SERINC2: variants seen among roughly 807,000 people sequenced by gnomAD.
The protein encoded by SERINC2 is tumor differentially expressed protein 2.
In SERINC2, 56 loss-of-function variants were observed where a neutral mutation model predicts 54.2. That is an observed-to-expected ratio of 1.03 (90% CI 0.83 to 1.29). The LOEUF is 1.29. Among genes scored for constraint, SERINC2 ranks in the 50% most tolerant of loss-of-function variants. The pLI is 0.00. For synonymous variants in SERINC2, 272 were observed against 253.1 expected (o/e 1.07, Z -0.71); for missense variants, 614 against 607.4 (o/e 1.01, Z -0.12).
chr1:31,431,056 C>G (rs1031030795), intron 8 of SERINC2, among the ~76,000 whole-genome samples: 5 of 152,148 alleles, frequency 3.3e-5, no homozygotes, highest in African/African-American at 1.2e-4. Flanking sequence ...GATTCCTTTT[C>G]AAGCTGGAAA....
At position 31,425,762 on chromosome 1, in the gene SERINC2, CT is replaced by C; in HGVS notation, c.473-13del. Reference sequence around the variant, plus strand: ...GAGGGACCCTCCTCGCCTCACTCCCCTCTCCCCACCCAGTCTGGTTCTACTT... The same window carrying C: ...GAGGGACCCTCCTCGCCTCACTCCCCCTCCCCACCCAGTCTGGTTCTACTT... On this transcript the variant is annotated splice_polypyrimidine_tract_variant and intron_variant, in intron 4 of 9. Coordinates refer to ENST00000373709, the MANE Select transcript of SERINC2 (RefSeq NM_178865.5). 2 of 1,611,680 alleles carry C rather than the reference CT, an allele frequency of 1.2e-6. No homozygotes were observed.
chr1:31,424,026 G>T (rs782042662), intron 2 of SERINC2, among the ~76,000 whole-genome samples, 172 bp downstream of exon 2: 1 of 152,136 alleles, frequency 6.6e-6, no homozygotes, highest in Non-Finnish European at 1.5e-5. Flanking sequence ...CTCTTGGGGG[G>T]ATTCTTCTTT....
Position 31,433,085 on chromosome 1 carries a change from G to C in SERINC2, c.1132G>C (p.Asp378His), listed in dbSNP as rs1641367078. ...GGCAGCCTGTGAGGGCCGGGCCTTT[G>C]ACAACGAGCAGGACGGCGTCACCTA... is the stretch of plus-strand genomic sequence containing the variant. ...QVAACEGRAFDNEQDGVTYSY... is the reference protein window; with the variant it reads ...QVAACEGRAFHNEQDGVTYSY... The change falls in exon 9 of 10, where the codon GAC becomes CAC. Residue 378 changes from aspartate (D) to histidine (H), a missense_variant. Asp to His is a moderately conservative substitution (Grantham distance 81). Transcript: ENST00000373709. 4.3e-6 allele frequency: 7 copies of C among 1,613,614 alleles called. No homozygotes were observed. In the East Asian group the frequency reaches 1.3e-4, roughly 31 times the overall value.
chr1:31,418,134 C>T (rs1640824742), intron 1 of SERINC2, among the ~76,000 whole-genome samples: 1 of 152,202 alleles, frequency 6.6e-6, no homozygotes, highest in African/African-American at 2.4e-5. Flanking sequence ...GCAGGGGTTA[C>T]AGGCATGAGC....
intron 7 of SERINC2, 111 bp from the exon 8 acceptor site, chr1:31,429,286 G>T: frequency 1.5e-6 from 2 of 1,351,060 alleles, no homozygotes; most frequent in Non-Finnish European, 2.0e-6. Flanking sequence ...TTGAGTGGTT[G>T]GCTGTGTATC....
chr1:31,417,852 C>CTTTTTTTT lies in SERINC2; in HGVS notation c.39+4563_39+4570dup, dbSNP rs3050463. Among the ~76,000 whole-genome samples, 808 of 95,688 alleles carry CTTTTTTTT rather than the reference C, an allele frequency of 8.4e-3. 28 individuals are homozygous for CTTTTTTTT. Among genetic ancestry groups the CTTTTTTTT allele is most frequent in the African/African-American group, 0.012 (287 of 23,654 alleles). The allele number at this position is 95,688 out of a possible 152,430, so 62.8% of individuals were successfully genotyped here. A position where few individuals can be genotyped will look rare whatever the true frequency, so the allele number is the denominator to read the frequency against. ...TTATAGCATGTGTCAAAATTTCATT[C>CTTTTTTTT]TTTTTTTTTTTTTTTTTTTTTTGAG... is the stretch of plus-strand genomic sequence containing the variant. On this transcript the variant is annotated intron_variant, in intron 1 of 9. Transcript: ENST00000373709.
In SERINC2 at chr1:31,425,394, G is replaced by T. The variant is rs371327989; in HGVS notation, c.457G>T (p.Gly153Cys). The T allele has an allele frequency of 1.7e-5, 27 of 1,611,046 alleles. No homozygotes were observed. Among genetic ancestry groups the T allele is most frequent in the African/African-American group, 4.0e-5 (3 of 74,876 alleles). ...CGTGGGTGCCTTCTACATTCCTGAC[G>T]GCTCCTTCACCAACAGTAGGCGGAC... ...LTVGAFYIPD[G>C]SFTNIWFYFG... Residue 153 changes from glycine (G) to cysteine (C), a missense_variant, in exon 4 of 10, where the codon GGC becomes TGC. Gly to Cys is a radical substitution (Grantham distance 159). Transcript: ENST00000373709.
chr1:31,431,380 G>C (rs1641193696), intron 8 of SERINC2, among the ~76,000 whole-genome samples: 1 of 150,532 alleles, frequency 6.6e-6, no homozygotes, highest in South Asian at 2.1e-4. Context: ...TCCTACCTCA[G>C]CCTGCCAAAG....
At chr1:31,433,998 G>T in intron 9 of SERINC2, 66 bp from the exon 10 acceptor site, 5 of 1,559,874 alleles carry the variant, frequency 3.2e-6, no homozygotes, top group South Asian at 2.3e-5. Context: ...GGGACATAAG[G>T]CCAGGGGCCA....
chr1:31,432,695 G>A (rs75308387), intron 8 of SERINC2, among the ~76,000 whole-genome samples: 313 of 152,152 alleles, frequency 2.1e-3, no homozygotes, highest in African/African-American at 6.0e-3. Context: ...TCATTATTCC[G>A]TCTAGTCCCC....
chr1:31,409,942 A>G, upstream of SERINC2: 7 of 1,217,672 alleles, frequency 5.7e-6, no homozygotes, highest in South Asian at 1.5e-5. Context: ...ACTCAGGCCC[A>G]GTGAGATCAG....
intron 1 of SERINC2, among the ~76,000 whole-genome samples, chr1:31,416,741 G>A (rs1553132267): frequency 6.6e-6 from 1 of 151,200 alleles, no homozygotes; most frequent in East Asian, 2.0e-4. Context: ...ATTTTTTTGA[G>A]ATGAAGTCTT....
At chr1:31,428,232 G>C (rs537590842) in intron 6 of SERINC2, among the ~76,000 whole-genome samples, 120 of 151,674 alleles carry the variant, frequency 7.9e-4, no homozygotes, top group African/African-American at 2.8e-3. Context: ...TAGAGACAGG[G>C]TCTTGCGATG....
At chr1:31,411,435 C>A (rs532860184), upstream of SERINC2, among the ~76,000 whole-genome samples, 3 of 152,216 alleles carry the variant, frequency 2.0e-5, no homozygotes, top group East Asian at 3.9e-4. Context: ...CATCTGTAAA[C>A]GAGTGGGTGG....
intron 1 of SERINC2, among the ~76,000 whole-genome samples, chr1:31,423,468 A>T (rs1285991967): frequency 6.6e-6 from 1 of 152,110 alleles, no homozygotes; most frequent in African/African-American, 2.4e-5. Flanking sequence ...CCACAGTATC[A>T]CTGGAGATAG....
intron 1 of SERINC2, chr1:31,414,649 C>T: frequency 2.0e-6 from 2 of 985,516 alleles, no homozygotes; most frequent in Non-Finnish European, 2.4e-6. Context: ...AGGAATCAAG[C>T]TGGTGCCTGA....
In SERINC2 at chr1:31,413,845, T is replaced by TC. The variant is rs1553131816; in HGVS notation, c.39+542dup. 1 of 1,411,836 alleles carries TC rather than the reference T, an allele frequency of 7.1e-7. No individual in the cohort carries two copies. Among genetic ancestry groups the TC allele is most frequent in the Admixed American group, 2.9e-5 (1 of 34,148 alleles). The allele number at this position is 1,411,836 out of a possible 1,614,324, so 87.5% of individuals were successfully genotyped here. A position where few individuals can be genotyped will look rare whatever the true frequency, so the allele number is the denominator to read the frequency against. On this transcript the variant is annotated intron_variant, in intron 1 of 9. Coordinates refer to ENST00000373709, the MANE Select transcript of SERINC2 (RefSeq NM_178865.5). This position sits in a 1 kb window ranked among gnomAD's most constrained non-coding sequence, Gnocchi z 5.0. The stretch of plus-strand genomic sequence containing the variant: ...TCTGGTTCCTGTCTGTGTCCGTCGT[T>TC]CGTCCGACTGTCTTTGTCCGTCTGC...
intron 9 of SERINC2, 36 bp downstream of exon 9, chr1:31,433,221 G>T (rs782141345): frequency 4.2e-5 from 65 of 1,537,656 alleles, no homozygotes; most frequent in African/African-American, 1.1e-4. Flanking sequence ...GAGCCCGGAG[G>T]TGCAGGGTGC....
At position 31,424,750 on chromosome 1, in the gene SERINC2, C is replaced by T. The variant is rs1392498118; in HGVS notation, c.269C>T (p.Ser90Phe). ...TVLQGHIDCGSLLGYRAVYRM... is the reference protein window; with the variant it reads ...TVLQGHIDCGFLLGYRAVYRM... ...CTGCAGGGCCACATCGACTGTGGCT[C>T]CCTGCTTGGCTACCGCGCTGTCTAC... Residue 90 changes from serine to phenylalanine, a missense_variant, in exon 3 of 10, where the codon TCC (serine) becomes TTC (phenylalanine). Physicochemically the swap from Ser to Phe is radical, Grantham distance 155 (BLOSUM62 -2). Transcript: ENST00000373709. 3 of 1,611,030 alleles carry T rather than the reference C, an allele frequency of 1.9e-6. No homozygotes were observed. Among genetic ancestry groups the T allele is most frequent in the African/African-American group, 1.3e-5 (1 of 74,902 alleles).
Sources: allele counts gnomAD v4.1 joint callset (sites outside exome capture counted in the v4.1 genomes callset), GRCh38; gene constraint gnomAD v4.1.1; non-coding constraint Gnocchi (gnomAD v3.1); transcripts MANE v1.5; gene names NCBI Gene and HGNC (gene_info 2026-07-23, HGNC 2026-07-21).